GRK4: variants seen among roughly 807,000 people sequenced by gnomAD.
The protein encoded by GRK4 is G protein-coupled receptor kinase 2-like.
In GRK4, 73 loss-of-function variants were observed where a neutral mutation model predicts 77.9. That is an observed-to-expected ratio of 0.94 (90% CI 0.78 to 1.14). GRK4 has a LOEUF of 1.14. Among genes scored for constraint, GRK4 ranks in the 50% most tolerant of loss-of-function variants. The pLI, the probability that GRK4 is intolerant of heterozygous loss-of-function variation, is 0.00. For synonymous variants in GRK4, 257 were observed against 254.4 expected (o/e 1.01, Z -0.10); for missense variants, 729 against 700.2 (o/e 1.04, Z -0.46).
chr4:2,970,341 A>T lies in GRK4; in HGVS notation c.52+6219A>T, dbSNP rs145056755. Among the ~76,000 whole-genome samples, 543 of 152,290 alleles carry T rather than the reference A, an allele frequency of 3.6e-3. 8 individuals are homozygous for T. Among genetic ancestry groups the T allele is most frequent in the Admixed American group, 0.026 (404 of 15,304 alleles). On this transcript the variant is annotated intron_variant, in intron 1 of 15. Transcript: ENST00000398052. ...GGCTTTATGCTACTTTAGGACCAAA[A>T]ATATCTATACCACTGATACTATAAA... is the stretch of plus-strand genomic sequence containing the variant.
intron 11 of GRK4, among the ~76,000 whole-genome samples, chr4:3,028,983 G>A (rs1392667423): frequency 6.6e-6 from 1 of 152,124 alleles, no homozygotes; most frequent in African/African-American, 2.4e-5. Flanking sequence ...TGTTGTCCAG[G>A]CTGGTCTCAA....
intron 10 of GRK4, among the ~76,000 whole-genome samples, chr4:3,025,922 G>T (rs1441043298): frequency 6.6e-6 from 1 of 152,104 alleles, no homozygotes; most frequent in Non-Finnish European, 1.5e-5. Context: ...TGTCCTCCAC[G>T]TGGCTATTTC....
chr4:2,979,978 T>A (rs757705547), intron 1 of GRK4, among the ~76,000 whole-genome samples: 4 of 152,142 alleles, frequency 2.6e-5, no homozygotes, highest in Admixed American at 6.5e-5. Context: ...TGTGAAAGAA[T>A]TTCTTGTGGG....
At chr4:3,012,483 C>A (rs917073992) in intron 7 of GRK4, among the ~76,000 whole-genome samples, 1 of 152,188 alleles carries the variant, frequency 6.6e-6, no homozygotes, top group South Asian at 2.1e-4. Flanking sequence ...TATCACTGTC[C>A]TTATTACTTC....
chr4:3,008,268 T>G (rs1731893187), intron 6 of GRK4, among the ~76,000 whole-genome samples: 1 of 152,208 alleles, frequency 6.6e-6, no homozygotes, highest in Non-Finnish European at 1.5e-5. Flanking sequence ...AAACTTAGCT[T>G]AGATTTTTAG....
At chr4:2,965,299 C>G in intron 1 of GRK4, 1 of 703,036 alleles carries the variant, frequency 1.4e-6, no homozygotes, top group South Asian at 1.5e-5. Context: ...CGGGAGACCC[C>G]CACAATCCTC....
chr4:3,034,361 A>T (rs896664685), intron 12 of GRK4, among the ~76,000 whole-genome samples: 9 of 152,142 alleles, frequency 5.9e-5, no homozygotes, highest in Non-Finnish European at 1.0e-4. Context: ...CCAGATGGTA[A>T]ACAGCGTCTA....
chr4:2,988,684 A>G (rs745441938), intron 2 of GRK4, 43 bp from the exon 3 acceptor site: 7 of 1,036,216 alleles, frequency 6.8e-6, no homozygotes, highest in Non-Finnish European at 1.1e-5. Flanking sequence ...GGTGGACTGT[A>G]ATGATTCTAT....
chr4:3,036,177 C>G (rs1363467372), intron 13 of GRK4, among the ~76,000 whole-genome samples: 1 of 152,248 alleles, frequency 6.6e-6, no homozygotes, highest in Non-Finnish European at 1.5e-5. Flanking sequence ...TTGTGTTTCC[C>G]ACAGCCGTGA....
At chr4:2,998,925 A>C (rs187513257) in intron 4 of GRK4, among the ~76,000 whole-genome samples, 67 of 152,290 alleles carry the variant, frequency 4.4e-4, no homozygotes, top group Non-Finnish European at 7.8e-4. Flanking sequence ...CTTTAAAAAG[A>C]ATGTAGTTGG....
At chr4:2,988,222 G>A (rs1180701794) in intron 2 of GRK4, among the ~76,000 whole-genome samples, 2 of 151,574 alleles carry the variant, frequency 1.3e-5, no homozygotes, top group African/African-American at 4.9e-5. Flanking sequence ...CTTTCCCAAC[G>A]CTTTTGATTT....
chr4:2,989,446 C>T (rs1185936742), intron 3 of GRK4, among the ~76,000 whole-genome samples: 4 of 152,068 alleles, frequency 2.6e-5, no homozygotes, highest in African/African-American at 9.7e-5. Flanking sequence ...TGGAGTCTCT[C>T]TCTGTCTCCC....
chr4:3,019,870 G>T, intron 9 of GRK4, 39 bp downstream of exon 9: 3 of 1,568,340 alleles, frequency 1.9e-6, no homozygotes, highest in Non-Finnish European at 2.6e-6. Context: ...GCAAGTCTTG[G>T]AGCCGGTTTC....
chr4:2,990,438 G>A (rs1300194089), intron 3 of GRK4, among the ~76,000 whole-genome samples: 1 of 151,894 alleles, frequency 6.6e-6, no homozygotes, highest in Admixed American at 6.6e-5. Flanking sequence ...TGTATTTTTA[G>A]TAGAGACGGG....
intron 10 of GRK4, among the ~76,000 whole-genome samples, chr4:3,025,037 A>G (rs1737067567): frequency 6.6e-6 from 1 of 150,480 alleles, no homozygotes; most frequent in Non-Finnish European, 1.5e-5. Flanking sequence ...TTGGGAGGCC[A>G]AGGCAGGTGG....
intron 1 of GRK4, among the ~76,000 whole-genome samples, chr4:2,964,631 T>C (rs1716912655): frequency 6.6e-6 from 1 of 152,202 alleles, no homozygotes; most frequent in South Asian, 2.1e-4. Context: ...TCTGAGGCTC[T>C]ATGGTGTGTC....
At chr4:3,012,330 C>T (rs1733134682) in intron 7 of GRK4, among the ~76,000 whole-genome samples, 1 of 152,050 alleles carries the variant, frequency 6.6e-6, no homozygotes, top group Admixed American at 6.6e-5. Context: ...ACCTATTTTA[C>T]AATACGAGAC....
chr4:2,993,686 C>A (rs1017030842), intron 4 of GRK4, among the ~76,000 whole-genome samples: 3 of 151,502 alleles, frequency 2.0e-5, no homozygotes, highest in Admixed American at 1.3e-4. Context: ...ACAAAACAAA[C>A]AAAAAAACAC....
At position 2,979,141 on chromosome 4, in the gene GRK4, T is replaced by C. The variant is rs934469671; in HGVS notation, c.53-5372T>C. ...TTGGGAGGCTGAGGCAGGAGAATGGTGTGAACCCAGGAGGTGGAGCTTGCA... is the reference window on the plus strand; with the variant it reads ...TTGGGAGGCTGAGGCAGGAGAATGGCGTGAACCCAGGAGGTGGAGCTTGCA... On this transcript the variant is annotated intron_variant, in intron 1 of 15. Coordinates refer to ENST00000398052, the MANE Select transcript of GRK4 (RefSeq NM_182982.3). Among the ~76,000 whole-genome samples, 95 of 151,018 alleles carry C rather than the reference T, an allele frequency of 6.3e-4. 1 individual carries two copies. Among genetic ancestry groups the C allele is most frequent in the African/African-American group, 2.0e-3 (84 of 41,140 alleles).
Sources: gnomAD v4.1 joint callset for allele counts (sites outside exome capture counted in the v4.1 genomes callset) on GRCh38, gnomAD v4.1.1 for gene constraint, MANE v1.5 for transcripts, NCBI Gene and HGNC (gene_info 2026-07-23, HGNC 2026-07-21) for gene names.